The following DEPDC4 variants were observed in gnomAD, a reference collection of about 807,000 sequenced individuals.
DEPDC4 encodes DEP domain-containing protein 4.
A neutral mutation model predicts 52.0 loss-of-function variants in DEPDC4; 52 were observed. The observed-to-expected ratio is 1.00, with a 90% CI of 0.80 to 1.26. DEPDC4 has a LOEUF of 1.26. Ranked by LOEUF, DEPDC4 falls within the 50% of genes most tolerant of loss-of-function variation. The probability of loss-of-function intolerance (pLI) is 0.00; values close to 1 mark genes in which losing one functional copy is unlikely to be tolerated. For synonymous variants in DEPDC4, 201 were observed against 196.8 expected (o/e 1.02, Z -0.18); for missense variants, 530 against 546.9 (o/e 0.97, Z 0.31).
chr12:100,252,779 TTA>T (rs2096213691), intron 5 of DEPDC4, among the ~76,000 whole-genome samples: 1 of 152,226 alleles, frequency 6.6e-6, no homozygotes, highest in Admixed American at 6.5e-5. Flanking sequence ...TAACATGAAA[TTA>T]TATGGCCACT....
the DEPDC4 span, among the ~76,000 whole-genome samples, chr12:100,279,303 A>G: frequency 1.3e-5 from 2 of 152,202 alleles, no homozygotes; most frequent in Admixed American, 6.5e-5. Flanking sequence ...TTGAGAATCT[A>G]TTGCTGCCAC....
At chr12:100,261,307 G>C (rs1202132012) in intron 3 of DEPDC4, among the ~76,000 whole-genome samples, 1 of 151,882 alleles carries the variant, frequency 6.6e-6, no homozygotes, top group Non-Finnish European at 1.5e-5. Flanking sequence ...CAGTCCTCCA[G>C]TGTGCAAGTC....
chr12:100,280,065 G>T, the DEPDC4 span, among the ~76,000 whole-genome samples: 9 of 152,140 alleles, frequency 5.9e-5, no homozygotes, highest in Non-Finnish European at 8.8e-5. Flanking sequence ...ATGTGCCTCT[G>T]GGGCAATCCT....
In DEPDC4 at chr12:100,266,959, T is replaced by C; in HGVS notation, c.118A>G (p.Arg40Gly). ...PGPGLNGPSS[R>G]NRRDGFCRKR... ...CGGCAGAAGCCATCTCTACGGTTCC[T>C]GGAACTTGGCCCGTTCAGCCCTGGG... The change falls in exon 1 of 10, where the codon AGG (arginine) becomes GGG (glycine). Residue 40 changes from arginine (R) to glycine (G), a missense_variant. Transcript: ENST00000550587. 2.5e-6 allele frequency: 4 copies of C among 1,613,968 alleles called. No individual in the cohort carries two copies. The highest frequency in any genetic ancestry group is 3.4e-6 in the Non-Finnish European group (4 of 1,179,896).
intron 1 of DEPDC4, 40 bp downstream of exon 1, chr12:100,266,880 C>G: frequency 1.3e-6 from 2 of 1,591,918 alleles, no homozygotes; most frequent in Non-Finnish European, 1.7e-6. Flanking sequence ...GCTGCCCCCT[C>G]CACCTTCACT....
At position 100,263,812 on chromosome 12, in the gene DEPDC4, C is replaced by T; in HGVS notation, c.239G>A (p.Arg80Lys). 1 of 1,614,146 alleles carries T rather than the reference C, an allele frequency of 6.2e-7. No homozygotes were observed. The highest frequency in any genetic ancestry group is 8.5e-7 in the Non-Finnish European group (1 of 1,180,000). Residue 80 changes from arginine to lysine, a missense_variant, in exon 2 of 10, where the codon AGG becomes AAG. By Grantham distance (26) the Arg-to-Lys change is conservative (BLOSUM62 2). Coordinates refer to ENST00000550587, the MANE Select transcript of DEPDC4 (RefSeq NM_001364818.2). ...TTTGTATGTCTGTAAATGATGCCTC[C>T]TTCTTTTTATTTCCACTTGGGCCTG... is the stretch of plus-strand genomic sequence containing the variant. ...SLQAQVEIKRRRHHLQTYKDC... is the reference protein window; with the variant it reads ...SLQAQVEIKRKRHHLQTYKDC...
intron 7 of DEPDC4, 49 bp from the exon 8 acceptor site, chr12:100,249,027 C>T: frequency 1.1e-5 from 9 of 809,956 alleles, no homozygotes; most frequent in Non-Finnish European, 1.3e-5. Context: ...TTTTTTCTAG[C>T]CAGCATTTCA....
chr12:100,232,434 A>G (rs1312997058), intron 9 of DEPDC4, among the ~76,000 whole-genome samples: 2 of 152,006 alleles, frequency 1.3e-5, no homozygotes, highest in Non-Finnish European at 2.9e-5. Flanking sequence ...GTTAATTAAC[A>G]TAATTTATAT....
At chr12:100,254,426 A>G (rs2096223237) in intron 4 of DEPDC4, among the ~76,000 whole-genome samples, 1 of 149,876 alleles carries the variant, frequency 6.7e-6, no homozygotes, top group Non-Finnish European at 1.5e-5. Flanking sequence ...CCTGGGCTCA[A>G]GCAATCCTCT....
downstream of DEPDC4, chr12:100,238,021 C>T (rs567538362): frequency 1.4e-5 from 14 of 973,924 alleles, 1 homozygote; most frequent in Middle Eastern, 1.1e-3. Context: ...AGACTTCTAT[C>T]GAAGAGGGCT....
chr12:100,267,125 C>T (rs199769098), upstream of DEPDC4: 205 of 1,585,412 alleles, frequency 1.3e-4, 1 homozygote, highest in African/African-American at 2.5e-3. Flanking sequence ...CTGGCTCCGC[C>T]TCTTCCGAAC....
intron 1 of DEPDC4, among the ~76,000 whole-genome samples, chr12:100,265,016 T>C (rs758932435): frequency 6.6e-6 from 1 of 152,116 alleles, no homozygotes. Context: ...TGTCTATTAC[T>C]GGCCAGGTTC....
chr12:100,275,647 T>C, the DEPDC4 span, among the ~76,000 whole-genome samples: 1 of 152,248 alleles, frequency 6.6e-6, no homozygotes, highest in Non-Finnish European at 1.5e-5. Context: ...ATTCTTTCTT[T>C]GCAGTCCGAA....
At chr12:100,232,379 G>A (rs1350107098) in intron 9 of DEPDC4, among the ~76,000 whole-genome samples, 6 of 145,684 alleles carry the variant, frequency 4.1e-5, no homozygotes, top group African/African-American at 7.6e-5. Flanking sequence ...CTGGGCGACA[G>A]AGCAAGACTC....
the DEPDC4 span, among the ~76,000 whole-genome samples, chr12:100,281,833 CAAAAA>C: frequency 1.0e-4 from 6 of 59,354 alleles, no homozygotes; most frequent in African/African-American, 1.9e-4. Context: ...GACTCCGTCT[CAAAAA>C]AAAAAAAAAA....
At chr12:100,266,780 T>C in intron 1 of DEPDC4, 140 bp downstream of exon 1, 7 of 1,183,944 alleles carry the variant, frequency 5.9e-6, no homozygotes, top group Middle Eastern at 2.1e-4. Context: ...CCCAGTCCAG[T>C]GCCTGGTAGG....
intron 4 of DEPDC4, among the ~76,000 whole-genome samples, chr12:100,254,589 A>C (rs1475473261): frequency 6.6e-6 from 1 of 152,082 alleles, no homozygotes; most frequent in South Asian, 2.1e-4. Flanking sequence ...GGGCTTCCAA[A>C]GTGCTGGGAT....
intron 4 of DEPDC4, among the ~76,000 whole-genome samples, chr12:100,254,944 T>C (rs1442400482): frequency 2.0e-5 from 3 of 152,228 alleles, no homozygotes; most frequent in Non-Finnish European, 4.4e-5. Flanking sequence ...CATGCTGGTC[T>C]TGAATTCCTG....
chr12:100,232,221 G>A (rs535579668), intron 9 of DEPDC4, among the ~76,000 whole-genome samples: 13 of 150,786 alleles, frequency 8.6e-5, no homozygotes, highest in Non-Finnish European at 1.9e-4. Context: ...GTGAAACCCT[G>A]TCTCTACTAA....
Sources: allele counts gnomAD v4.1 joint callset (sites outside exome capture counted in the v4.1 genomes callset), GRCh38; gene constraint gnomAD v4.1.1; transcripts MANE v1.5; gene names NCBI Gene and HGNC (gene_info 2026-07-23, HGNC 2026-07-21).